The following DLG2 variants were observed in gnomAD, a reference collection of about 807,000 sequenced individuals.
DLG2 encodes the protein discs large MAGUK scaffold protein 2, also known as disks large homolog 2.
DLG2 carries 45 observed loss-of-function variants against 132.5 expected under a neutral mutation model. The ratio of observed to expected loss-of-function variants is 0.34; its 90% CI spans 0.27 to 0.44. The LOEUF is 0.44. Among genes scored for constraint, DLG2 ranks in the 20% least tolerant of loss-of-function variants. The pLI, the probability that DLG2 is intolerant of heterozygous loss-of-function variation, is 1.00. For missense variants in DLG2, 1,045 were observed against 1,196.9 expected (o/e 0.87, Z 1.87); for synonymous variants, 424 against 419.6 (o/e 1.01, Z -0.13).
At chr11:84,933,771 T>G (rs904445481) in intron 6 of DLG2, among the ~76,000 whole-genome samples, 1 of 152,212 alleles carries the variant, frequency 6.6e-6, no homozygotes, top group Non-Finnish European at 1.5e-5. Context: ...GCTGAGACTA[T>G]GGGGTTTTCT....
chr11:84,065,556 G>C (rs1056496185), intron 10 of DLG2, among the ~76,000 whole-genome samples: 10 of 152,102 alleles, frequency 6.6e-5, no homozygotes, highest in Middle Eastern at 6.8e-3. Flanking sequence ...TATTAAAAAG[G>C]CAAAAAATAA....
intron 8 of DLG2, among the ~76,000 whole-genome samples, chr11:84,213,589 G>A (rs2096786756): frequency 6.6e-6 from 1 of 152,196 alleles, no homozygotes; most frequent in Non-Finnish European, 1.5e-5. Context: ...GGAGGCCGAG[G>A]CGGGTGGATC....
chr11:83,457,128 C>G lies in DLG2; in HGVS notation c.*2690G>C, dbSNP rs1393559153. ...CCCAGCATGTGTGAAGGTGACATTG[C>G]ACCCCCAGCAAGCCTTCAGGTTGGA... On this transcript the variant is annotated 3_prime_UTR_variant, in exon 28 of 28. Transcript: ENST00000376104. The G allele has an allele frequency of 6.6e-6, 1 of 152,626 alleles. No homozygotes were observed. The highest frequency in any genetic ancestry group is 2.4e-5 in the African/African-American group (1 of 41,434). 9.5% of individuals were successfully genotyped at this position (152,626 alleles called of 1,614,324 possible).
rs2093483886 is a variant in DLG2, at chr11:85,488,546, G to C, written c.40+110111C>G. Among the ~76,000 whole-genome samples the C allele has an allele frequency of 3.3e-5, 5 of 152,308 alleles. No individual in the cohort carries two copies. In the South Asian group the frequency reaches 1.0e-3, roughly 32 times the overall value. ...TCAGGCATGTCTTCATCAGCAGTGT[G>C]AAAACGGACCAATACACTGTCTAAA... is the stretch of plus-strand genomic sequence containing the variant. On this transcript the variant is annotated intron_variant, in intron 3 of 27. Transcript: ENST00000376104.
chr11:84,561,302 A>T (rs1445329714), intron 6 of DLG2, among the ~76,000 whole-genome samples: 1 of 152,100 alleles, frequency 6.6e-6, no homozygotes, highest in East Asian at 1.9e-4. Flanking sequence ...TATAGATTTC[A>T]TGATGGCAGA....
intron 8 of DLG2, among the ~76,000 whole-genome samples, chr11:84,217,159 G>GGTTCTAAC (rs1248287378): frequency 6.6e-6 from 1 of 152,118 alleles, no homozygotes; most frequent in Non-Finnish European, 1.5e-5. Context: ...CTCTGGTACA[G>GGTTCTAAC]GTTCTAACAC....
chr11:84,907,170 G>A (rs1304315727), intron 6 of DLG2, among the ~76,000 whole-genome samples: 1 of 152,126 alleles, frequency 6.6e-6, no homozygotes, highest in Admixed American at 6.6e-5. Flanking sequence ...ATCCGCCCCT[G>A]ACTGACAAGT....
intron 7 of DLG2, among the ~76,000 whole-genome samples, chr11:84,459,176 CTT>C (rs1219892963): frequency 6.6e-6 from 1 of 150,730 alleles, no homozygotes; most frequent in Admixed American, 6.6e-5. Context: ...TCAGTTTCCT[CTT>C]TGATTCGCAT....
chr11:83,561,764 T>C (rs868433015), intron 19 of DLG2, among the ~76,000 whole-genome samples: 20 of 151,830 alleles, frequency 1.3e-4, no homozygotes, highest in Non-Finnish European at 2.4e-4. Context: ...ATTACAAAGA[T>C]AATAATATAA....
chr11:84,220,950 G>A (rs1214259926), intron 8 of DLG2, among the ~76,000 whole-genome samples: 2 of 147,298 alleles, frequency 1.4e-5, no homozygotes, highest in African/African-American at 5.0e-5. Flanking sequence ...ACCATGCCCA[G>A]CTGATGTTTT....
intron 15 of DLG2, among the ~76,000 whole-genome samples, chr11:83,875,793 A>G (rs1412118394): frequency 6.6e-6 from 1 of 152,200 alleles, no homozygotes; most frequent in East Asian, 1.9e-4. Context: ...CAGAGAATCA[A>G]ACTACAGGCT....
At chr11:84,871,273 T>C (rs2085417948) in intron 6 of DLG2, among the ~76,000 whole-genome samples, 1 of 152,184 alleles carries the variant, frequency 6.6e-6, no homozygotes, top group Non-Finnish European at 1.5e-5. Flanking sequence ...TAGAATCTTA[T>C]TTTTCTAAAG....
At chr11:84,508,413 T>C (rs1326682202) in intron 7 of DLG2, among the ~76,000 whole-genome samples, 2 of 151,480 alleles carry the variant, frequency 1.3e-5, no homozygotes, top group Non-Finnish European at 2.9e-5. Context: ...TTTTTTTTTT[T>C]TTCTCTTTTT....
rs542467362 is a variant in DLG2, at chr11:83,655,947, T to C, written c.1826-22622A>G. On this transcript the variant is annotated intron_variant, in intron 18 of 27. Coordinates refer to ENST00000376104, the MANE Select transcript of DLG2 (RefSeq NM_001142699.3). The stretch of plus-strand genomic sequence containing the variant: ...TGCTAATCCAAGTCCTGACATCTCC[T>C]CAAAGATGCCTAAACAGTGCAGTAG... Among the ~76,000 whole-genome samples the C allele has an allele frequency of 2.0e-5, 3 of 152,318 alleles. No homozygotes were observed. In the South Asian group the frequency reaches 6.2e-4, roughly 32 times the overall value.
chr11:84,900,862 T>G (rs1009264976), intron 6 of DLG2, among the ~76,000 whole-genome samples: 1 of 152,028 alleles, frequency 6.6e-6, no homozygotes, highest in Middle Eastern at 3.2e-3. Flanking sequence ...TTTTAACCCT[T>G]GAGATCAAAA....
At chr11:85,377,623 G>A (rs996991266) in intron 3 of DLG2, among the ~76,000 whole-genome samples, 6 of 151,914 alleles carry the variant, frequency 3.9e-5, no homozygotes, top group Non-Finnish European at 8.8e-5. Context: ...TAGTTTCTGA[G>A]AGCTAATTCA....
chr11:84,426,447 T>A (rs2098966885), intron 7 of DLG2, among the ~76,000 whole-genome samples: 1 of 152,162 alleles, frequency 6.6e-6, no homozygotes, highest in African/African-American at 2.4e-5. Context: ...ACATGCTAAC[T>A]GTGCATCTTT....
intron 19 of DLG2, among the ~76,000 whole-genome samples, chr11:83,572,624 G>A (rs1041379322): frequency 6.6e-6 from 1 of 152,164 alleles, no homozygotes; most frequent in Non-Finnish European, 1.5e-5. Context: ...TCCAAAATCA[G>A]AAGGTCTATG....
At chr11:84,106,861 G>A (rs28489755) in intron 9 of DLG2, among the ~76,000 whole-genome samples, 1 of 91,844 alleles carries the variant, frequency 1.1e-5, no homozygotes, top group East Asian at 3.1e-4. Context: ...GTGTGTGTGT[G>A]TATGTGTGAG....
Sources: gnomAD v4.1 joint callset for allele counts (sites outside exome capture counted in the v4.1 genomes callset) on GRCh38, gnomAD v4.1.1 for gene constraint, MANE v1.5 for transcripts, NCBI Gene and HGNC (gene_info 2026-07-23, HGNC 2026-07-21) for gene names.